WNT5B: variants seen among roughly 807,000 people sequenced by gnomAD.
WNT5B encodes the protein Wnt family member 5B.
WNT5B carries 18 observed loss-of-function variants against 36.5 expected under a neutral mutation model. The ratio of observed to expected loss-of-function variants is 0.49; its 90% CI spans 0.34 to 0.73. The LOEUF (loss-of-function observed/expected upper bound fraction) is 0.73. Ranked by LOEUF, WNT5B falls within the 30% of genes least tolerant of loss-of-function variation. The probability of loss-of-function intolerance (pLI) is 0.01; values close to 1 mark genes in which losing one functional copy is unlikely to be tolerated. For synonymous variants in WNT5B, 213 were observed against 212.3 expected (o/e 1.00, Z -0.03); for missense variants, 424 against 508.4 (o/e 0.83, Z 1.60).
intron 1 of WNT5B, among the ~76,000 whole-genome samples, chr12:1,617,698 G>T (rs73607828): frequency 6.6e-6 from 1 of 152,332 alleles, no homozygotes; most frequent in African/African-American, 2.4e-5. Context: ...AACATGACTT[G>T]TGAATGCTCC....
In WNT5B at chr12:1,632,521, A is replaced by G. The variant is rs1242442907; in HGVS notation, c.81-137A>G. ...TTGTCCTTTGAAGGCCAGCACTCTGATTTACTAATTTTTCTTTCCAGGGCC... is the reference window on the plus strand; with the variant it reads ...TTGTCCTTTGAAGGCCAGCACTCTGGTTTACTAATTTTTCTTTCCAGGGCC... On this transcript the variant is annotated intron_variant, in intron 2 of 4. Coordinates refer to ENST00000397196, the MANE Select transcript of WNT5B (RefSeq NM_032642.3). This position sits in a 1 kb window ranked among gnomAD's most constrained non-coding sequence, Gnocchi z 5.8. The G allele has an allele frequency of 1.5e-6, 2 of 1,296,070 alleles. No individual in the cohort carries two copies. The highest frequency in any genetic ancestry group is 2.1e-6 in the Non-Finnish European group (2 of 950,984). The allele number at this position is 1,296,070 out of a possible 1,614,324, so 80.3% of individuals were successfully genotyped here.
At chr12:1,622,168 T>G (rs1325902894) in intron 1 of WNT5B, among the ~76,000 whole-genome samples, 2 of 146,156 alleles carry the variant, frequency 1.4e-5, no homozygotes, top group African/African-American at 5.1e-5. Context: ...TGGAGTGCAG[T>G]GGCGTGATCT....
At chr12:1,621,664 C>T (rs1409720193) in intron 1 of WNT5B, among the ~76,000 whole-genome samples, 1 of 151,860 alleles carries the variant, frequency 6.6e-6, no homozygotes, top group Non-Finnish European at 1.5e-5. Context: ...GCTTCAGCCT[C>T]CTAAGTAGCT....
In WNT5B at chr12:1,633,029, C is replaced by T. The variant is rs2094553970; in HGVS notation, c.328+124C>T. 1.4e-6 allele frequency: 2 copies of T among 1,409,152 alleles called. No individual in the cohort carries two copies. Among genetic ancestry groups the T allele is most frequent in the South Asian group, 1.4e-5 (1 of 71,222 alleles). 87.3% of individuals were successfully genotyped at this position (1,409,152 alleles called of 1,614,324 possible). ...GCAGCCTAAGTGGGCTCTCTCTAGG[C>T]TTGGCAGCAGTGTGCACCACGAGAG... On this transcript the variant is annotated intron_variant, in intron 3 of 4. Transcript: ENST00000397196. The surrounding 1 kb of genome is among the most constrained non-coding windows in gnomAD (Gnocchi z 4.8).
At chr12:1,634,400 A>G (rs1263514113) in intron 3 of WNT5B, among the ~76,000 whole-genome samples, 1 of 152,120 alleles carries the variant, frequency 6.6e-6, no homozygotes, top group East Asian at 1.9e-4. Context: ...AGTAGGCCTG[A>G]TGTTGGCTAG....
chr12:1,640,019 G>A lies in WNT5B; in HGVS notation c.621+43G>A, dbSNP rs889295389. 1.9e-6 allele frequency: 3 copies of A among 1,570,248 alleles called. No individual in the cohort carries two copies. The African/African-American group carries it at 4.1e-5, about 22-fold the overall frequency. ...GGCCTCCCCAGCACTGCAGACCTAG[G>A]GGGCTGTTCCCGGGCTGTGCCACCA... On this transcript the variant is annotated intron_variant, in intron 4 of 4. Coordinates refer to ENST00000397196, the MANE Select transcript of WNT5B (RefSeq NM_032642.3).
In WNT5B at chr12:1,645,929, G is replaced by A; in HGVS notation, c.757G>A (p.Ala253Thr). 6.2e-7 allele frequency: 1 copy of A among 1,609,976 alleles called. No homozygotes were observed. Among genetic ancestry groups the A allele is most frequent in the East Asian group, 2.2e-5 (1 of 44,880 alleles). Residue 253 changes from alanine (A) to threonine (T), a missense_variant, in exon 5 of 5, where the codon GCC becomes ACC. Physicochemically the swap from Ala to Thr is moderately conservative, Grantham distance 58. Coordinates refer to ENST00000397196, the MANE Select transcript of WNT5B (RefSeq NM_032642.3). ...GCTGAAGGAGAAGTACGACAGCGCG[G>A]CCGCCATGCGCGTCACCCGCAAGGG... Reference protein sequence around the residue: ...DRLKEKYDSAAAMRVTRKGRL... With the variant: ...DRLKEKYDSATAMRVTRKGRL...
intron 1 of WNT5B, among the ~76,000 whole-genome samples, chr12:1,622,797 A>G (rs1307720963): frequency 6.6e-6 from 1 of 152,264 alleles, no homozygotes; most frequent in Non-Finnish European, 1.5e-5. Flanking sequence ...CAAAAGCACA[A>G]CAGATGAGCA....
At chr12:1,626,013 CT>C (rs2094540471), upstream of WNT5B, among the ~76,000 whole-genome samples, 1 of 141,006 alleles carries the variant, frequency 7.1e-6, no homozygotes, top group African/African-American at 2.7e-5. Context: ...GGGTCTCAAT[CT>C]GTCACCCACG....
At chr12:1,620,209 A>C (rs575006254) in intron 1 of WNT5B, among the ~76,000 whole-genome samples, 24 of 152,246 alleles carry the variant, frequency 1.6e-4, no homozygotes, top group African/African-American at 5.5e-4. Context: ...CTTCCTCATC[A>C]CAGCCCCCTC....
At chr12:1,628,812 G>A (rs150457558), upstream of WNT5B, among the ~76,000 whole-genome samples, 162 of 148,234 alleles carry the variant, frequency 1.1e-3, 3 homozygotes, top group East Asian at 0.028. Flanking sequence ...GCACAAGAAT[G>A]TAAGAGAGGG....
chr12:1,643,924 C>T (rs950052554), intron 4 of WNT5B, among the ~76,000 whole-genome samples: 2 of 152,006 alleles, frequency 1.3e-5, no homozygotes, highest in African/African-American at 2.4e-5. Flanking sequence ...TAAGCTGGTG[C>T]ACTTCCTCTT....
At chr12:1,624,620 C>T (rs878988201), upstream of WNT5B, among the ~76,000 whole-genome samples, 1 of 152,094 alleles carries the variant, frequency 6.6e-6, no homozygotes. Flanking sequence ...ACATTTAGTG[C>T]AGTGCACTAA....
rs1288989888 is a variant in WNT5B, at chr12:1,633,120, C to T, written c.328+215C>T. ...ACACGCTTGATGTTCCTCTAGCTCT[C>T]TGCCTTCCAGCCTCACTTGGGGCAG... On this transcript the variant is annotated intron_variant, in intron 3 of 4. Coordinates refer to ENST00000397196, the MANE Select transcript of WNT5B (RefSeq NM_032642.3). This position sits in a 1 kb window ranked among gnomAD's most constrained non-coding sequence, Gnocchi z 4.8. Among the ~76,000 whole-genome samples the T allele has an allele frequency of 6.6e-6, 1 of 152,108 alleles. No homozygotes were observed. Among genetic ancestry groups the T allele is most frequent in the Non-Finnish European group, 1.5e-5 (1 of 68,030 alleles).
rs548073542 is a variant in WNT5B, at chr12:1,633,538, AGGATTCTTG to A, written c.328+636_328+644del. On this transcript the variant is annotated intron_variant, in intron 3 of 4. Coordinates refer to ENST00000397196, the MANE Select transcript of WNT5B (RefSeq NM_032642.3). This position sits in a 1 kb window ranked among gnomAD's most constrained non-coding sequence, Gnocchi z 4.8. ...CCTTCCCCTCTCCCACTGCTGGCCAAGGATTCTTGGGCCACCCTATTGCTTAGATGGAGG... is the reference window on the plus strand; with the variant it reads ...CCTTCCCCTCTCCCACTGCTGGCCAAGGCCACCCTATTGCTTAGATGGAGG... 5.8e-4 allele frequency among the ~76,000 whole-genome samples: 89 copies of A among 152,290 alleles called. No individual in the cohort carries two copies. The East Asian group carries it at 0.014, about 24-fold the overall frequency.
At chr12:1,623,558 G>A (rs986605969) in intron 1 of WNT5B, among the ~76,000 whole-genome samples, 6 of 152,058 alleles carry the variant, frequency 3.9e-5, no homozygotes, top group African/African-American at 1.2e-4. Flanking sequence ...AGAGCTCCTC[G>A]ATCGCTATAT....
intron 3 of WNT5B, among the ~76,000 whole-genome samples, chr12:1,639,413 C>T (rs1306695990): frequency 6.6e-6 from 1 of 151,626 alleles, no homozygotes; most frequent in Non-Finnish European, 1.5e-5. Flanking sequence ...GCTGGGATTA[C>T]GGGCTGAGCC....
At chr12:1,645,005 C>T (rs2094582619) in intron 4 of WNT5B, 1 of 152,192 alleles carries the variant, frequency 6.6e-6, no homozygotes, top group Non-Finnish European at 1.5e-5. Flanking sequence ...GTCTTGCTCA[C>T]AAATGGATGG....
chr12:1,621,964 A>AAAT (rs1174262832), intron 1 of WNT5B, among the ~76,000 whole-genome samples: 2 of 152,152 alleles, frequency 1.3e-5, no homozygotes, highest in Non-Finnish European at 2.9e-5. Context: ...AAGCACCTTG[A>AAAT]AATTTTCTCT....
Sources: allele counts gnomAD v4.1 joint callset (sites outside exome capture counted in the v4.1 genomes callset), GRCh38; gene constraint gnomAD v4.1.1; non-coding constraint Gnocchi (gnomAD v3.1); transcripts MANE v1.5; gene names NCBI Gene and HGNC (gene_info 2026-07-23, HGNC 2026-07-21).